The following AOPEP variants were observed in gnomAD, a reference collection of about 807,000 sequenced individuals.
The protein encoded by AOPEP is aminopeptidase O.
A neutral mutation model predicts 98.1 loss-of-function variants in AOPEP; 77 were observed. That is an observed-to-expected ratio of 0.78 (90% confidence interval 0.65 to 0.95). The LOEUF is 0.95. Ranked by LOEUF, AOPEP falls within the 40% of genes least tolerant of loss-of-function variation. AOPEP has a pLI of 0.00. For synonymous variants in AOPEP, 346 were observed against 365.3 expected (o/e 0.95, Z 0.60); for missense variants, 1,024 against 1,024.7 (o/e 1.00, Z 0.01).
intron 3 of AOPEP, among the ~76,000 whole-genome samples, chr9:94,773,604 A>G (rs1841375787): frequency 6.6e-6 from 1 of 152,220 alleles, no homozygotes; most frequent in South Asian, 2.1e-4. Flanking sequence ...TTAATGAAGC[A>G]TCTTTTCTAC....
At chr9:95,135,602 A>G in the AOPEP span, 1 of 959,576 alleles carries the variant, frequency 1.0e-6, no homozygotes, top group Middle Eastern at 2.5e-4. Flanking sequence ...AATTTGTGAG[A>G]CTTCTCATCA....
chr9:95,038,110 G>C (rs2064988501), intron 13 of AOPEP, among the ~76,000 whole-genome samples: 1 of 152,200 alleles, frequency 6.6e-6, no homozygotes, highest in Admixed American at 6.5e-5. Context: ...GTACTGTCCT[G>C]ATGCAGGAGA....
intron 5 of AOPEP, among the ~76,000 whole-genome samples, chr9:94,897,673 G>A (rs966697489): frequency 6.6e-6 from 1 of 152,130 alleles, no homozygotes; most frequent in African/African-American, 2.4e-5. Flanking sequence ...TTTATCAAGT[G>A]TTCTAACAAA....
chr9:94,813,506 G>T (rs957605333), intron 5 of AOPEP, among the ~76,000 whole-genome samples: 45 of 152,172 alleles, frequency 3.0e-4, no homozygotes, highest in African/African-American at 1.1e-3. Flanking sequence ...TTCCAGACTA[G>T]CCCTGTCCTC....
chr9:94,876,672 C>T (rs1301327378), intron 5 of AOPEP, among the ~76,000 whole-genome samples: 1 of 151,946 alleles, frequency 6.6e-6, no homozygotes, highest in Non-Finnish European at 1.5e-5. Context: ...GCCGTGTTCC[C>T]TTCTTTTAGG....
At chr9:94,820,760 T>C (rs959039416) in intron 5 of AOPEP, among the ~76,000 whole-genome samples, 5 of 152,208 alleles carry the variant, frequency 3.3e-5, no homozygotes, top group African/African-American at 1.2e-4. Context: ...GCAATTTCTG[T>C]TTGGGGAAAT....
intron 5 of AOPEP, among the ~76,000 whole-genome samples, chr9:94,895,244 A>T (rs201947026): frequency 3.1e-4 from 18 of 57,750 alleles, no homozygotes; most frequent in South Asian, 2.5e-3. Flanking sequence ...TAAAATAAAA[A>T]AAAAAAATAG....
At chr9:94,736,125 A>G (rs747473533) in intron 1 of AOPEP, among the ~76,000 whole-genome samples, 15 of 152,098 alleles carry the variant, frequency 9.9e-5, no homozygotes, top group Non-Finnish European at 2.1e-4. Context: ...AATATTAACT[A>G]TATCTGGGCC....
intron 6 of AOPEP, among the ~76,000 whole-genome samples, chr9:94,928,007 C>T (rs1290898435): frequency 6.6e-6 from 1 of 152,210 alleles, no homozygotes; most frequent in African/African-American, 2.4e-5. Flanking sequence ...CCGCTGGAAA[C>T]AGTCCTTAAC....
chr9:94,955,020 G>A (rs760883310), intron 7 of AOPEP, among the ~76,000 whole-genome samples, 157 bp from the exon 8 acceptor site: 4 of 152,034 alleles, frequency 2.6e-5, no homozygotes, highest in Non-Finnish European at 5.9e-5. Context: ...TCCCGTAGAC[G>A]AGTATGTAAT....
chr9:95,081,133 G>A (rs1042610751), intron 15 of AOPEP, among the ~76,000 whole-genome samples: 2 of 152,174 alleles, frequency 1.3e-5, no homozygotes, highest in African/African-American at 4.8e-5. Flanking sequence ...TAAAGTACAC[G>A]TGCAAGTCAG....
At chr9:95,092,247 C>G in the AOPEP span, among the ~76,000 whole-genome samples, 1 of 152,320 alleles carries the variant, frequency 6.6e-6, no homozygotes, top group African/African-American at 2.4e-5. Flanking sequence ...TTTGGCTTCT[C>G]AGCCCCAGGA....
intron 3 of AOPEP, among the ~76,000 whole-genome samples, chr9:94,785,818 A>G: frequency 6.6e-6 from 1 of 152,230 alleles, no homozygotes; most frequent in East Asian, 1.9e-4. Context: ...GAAGGCATTC[A>G]CTGTCTGTTT....
At chr9:94,854,255 A>C (rs1330170249) in intron 5 of AOPEP, among the ~76,000 whole-genome samples, 1 of 152,210 alleles carries the variant, frequency 6.6e-6, no homozygotes, top group African/African-American at 2.4e-5. Context: ...AGGAATTGTG[A>C]AAATGTGACA....
the AOPEP span, chr9:95,123,572 G>A: frequency 1.6e-5 from 9 of 568,624 alleles, no homozygotes; most frequent in Admixed American, 7.6e-5. Context: ...CCGCGGCCAC[G>A]TGCAGCCTAT....
chr9:94,956,545 A>G (rs2058473098), intron 9 of AOPEP, among the ~76,000 whole-genome samples: 1 of 152,246 alleles, frequency 6.6e-6, no homozygotes, highest in African/African-American at 2.4e-5. Context: ...AGTACTTAGC[A>G]CATGATTGGC....
intron 14 of AOPEP, among the ~76,000 whole-genome samples, chr9:95,064,629 C>T (rs1012867078): frequency 2.0e-5 from 3 of 152,238 alleles, no homozygotes; most frequent in Non-Finnish European, 2.9e-5. Flanking sequence ...AGCCATTGGT[C>T]AGGGGGCGGG....
intron 7 of AOPEP, among the ~76,000 whole-genome samples, chr9:94,942,904 C>CAAAAAAAAAAAAAAA (rs35186299): frequency 1.2e-5 from 1 of 82,800 alleles, no homozygotes; most frequent in African/African-American, 4.3e-5. Context: ...GAGTCTGTCT[C>CAAAAAAAAAAAAAAA]AAAAAAAAAA....
chr9:94,743,214 A>AGAAGAG (rs1315876201), intron 1 of AOPEP, among the ~76,000 whole-genome samples: 14 of 122,078 alleles, frequency 1.1e-4, no homozygotes, highest in East Asian at 2.4e-4. Flanking sequence ...AAGAAGAGGA[A>AGAAGAG]GAAGAGGAAG....
Sources: allele counts gnomAD v4.1 joint callset (sites outside exome capture counted in the v4.1 genomes callset), GRCh38; gene constraint gnomAD v4.1.1; transcripts MANE v1.5; gene names NCBI Gene and HGNC (gene_info 2026-07-23, HGNC 2026-07-21).